CDIN1: variants seen among roughly 807,000 people sequenced by gnomAD.
CDIN1 encodes CDAN1-interacting nuclease 1.
Under a neutral mutation model 45.3 loss-of-function variants are expected in CDIN1, and 33 were observed. The ratio of observed to expected loss-of-function variants is 0.73; its 90% CI spans 0.55 to 0.97. The LOEUF is 0.97. CDIN1 is among the 50% of genes least tolerant of loss of function. CDIN1 has a pLI of 0.00. For missense variants in CDIN1, 303 were observed against 339.4 expected (o/e 0.89, Z 0.84); for synonymous variants, 118 against 124.4 (o/e 0.95, Z 0.34).
intron 3 of CDIN1, among the ~76,000 whole-genome samples, chr15:36,652,604 T>G (rs2040616431): frequency 6.6e-6 from 1 of 152,152 alleles, no homozygotes; most frequent in Admixed American, 6.5e-5. Context: ...ATTTATTTAT[T>G]TTTTCCTCTT....
chr15:36,697,428 T>C, intron 8 of CDIN1, 38 bp downstream of exon 8: 1 of 1,478,436 alleles, frequency 6.8e-7, no homozygotes. Flanking sequence ...TTGTGTTGTC[T>C]CCCTGAGTGC....
In CDIN1 at chr15:36,620,359, T is replaced by A. The variant is rs1408799992; in HGVS notation, c.102-23919T>A. ...AAGCGAAACTCTGTCTCAAAAAAAA[T>A]AAAAATAAAATAAAAATAAAAATAA... On this transcript the variant is annotated intron_variant, in intron 1 of 10. Transcript: ENST00000566621. 2.0e-5 allele frequency among the ~76,000 whole-genome samples: 3 copies of A among 151,918 alleles called. No individual in the cohort carries two copies. The Middle Eastern group carries it at 0.01, about 517-fold the overall frequency.
intron 10 of CDIN1, among the ~76,000 whole-genome samples, chr15:36,750,219 A>C (rs2053423401): frequency 6.6e-6 from 1 of 152,096 alleles, no homozygotes; most frequent in African/African-American, 2.4e-5. Context: ...TTATGGCAAA[A>C]AAAACTGTTG....
chr15:36,799,814 G>T (rs2054951949), intron 10 of CDIN1: 1 of 152,120 alleles, frequency 6.6e-6, no homozygotes, highest in African/African-American at 2.4e-5. Flanking sequence ...CCCAATCCAG[G>T]AGTAAACATT....
chr15:36,673,967 A>T (rs1368671241), intron 5 of CDIN1, among the ~76,000 whole-genome samples: 1 of 152,110 alleles, frequency 6.6e-6, no homozygotes, highest in Non-Finnish European at 1.5e-5. Flanking sequence ...TTTCTCTAGT[A>T]CATACACACA....
chr15:36,763,608 G>C (rs8025988), intron 10 of CDIN1, among the ~76,000 whole-genome samples: 102,929 of 151,950 alleles, frequency 0.68, 35,102 homozygotes, highest in East Asian at 0.93. Context: ...ACTGTACCCC[G>C]CCATGTTGTG....
intron 8 of CDIN1, 67 bp from the exon 9 acceptor site, chr15:36,709,156 A>G: frequency 7.4e-7 from 1 of 1,347,446 alleles, no homozygotes. Flanking sequence ...AAGAAATAAA[A>G]ACAAATATAT....
chr15:36,700,297 T>C (rs1234715988), intron 8 of CDIN1, among the ~76,000 whole-genome samples: 2 of 152,190 alleles, frequency 1.3e-5, no homozygotes, highest in Non-Finnish European at 2.9e-5. Context: ...CCGTATTGCA[T>C]GTGTGATCCA....
chr15:36,597,077 A>G (rs549410878), intron 1 of CDIN1, among the ~76,000 whole-genome samples: 90 of 152,294 alleles, frequency 5.9e-4, no homozygotes, highest in African/African-American at 2.1e-3. Flanking sequence ...TTTGGACCTG[A>G]TATATGCCCC....
At chr15:36,734,311 C>T in intron 10 of CDIN1, 3 of 368,086 alleles carry the variant, frequency 8.2e-6, no homozygotes, top group South Asian at 6.6e-5. Flanking sequence ...ACACTTTGTT[C>T]ATCCTTAGAA....
chr15:36,771,425 G>T (rs575007994), intron 10 of CDIN1, among the ~76,000 whole-genome samples: 1 of 152,272 alleles, frequency 6.6e-6, no homozygotes, highest in African/African-American at 2.4e-5. Context: ...ACTGATAGCT[G>T]GTCCTACCCT....
At position 36,590,408 on chromosome 15, in the gene CDIN1, C is replaced by G. The variant is rs1052682910; in HGVS notation, c.101+10447C>G. ...TGAAAATAAATATTTTGAAACAAAG[C>G]AATTCGAGTAGAGGAAAAAAGTAAG... On this transcript the variant is annotated intron_variant, in intron 1 of 10. Coordinates refer to ENST00000566621, the MANE Select transcript of CDIN1 (RefSeq NM_001321759.2). Among the ~76,000 whole-genome samples, 5 of 152,206 alleles carry G rather than the reference C, an allele frequency of 3.3e-5. No individual in the cohort carries two copies. In the East Asian group the frequency reaches 7.7e-4, roughly 23 times the overall value.
chr15:36,581,595 G>A (rs1398380576), intron 1 of CDIN1, among the ~76,000 whole-genome samples: 3 of 152,214 alleles, frequency 2.0e-5, no homozygotes, highest in Admixed American at 1.3e-4. Context: ...GAGCTATTTA[G>A]GGCTGGGTGT....
intron 1 of CDIN1, among the ~76,000 whole-genome samples, chr15:36,621,655 GA>G (rs1470326919): frequency 6.6e-6 from 1 of 152,132 alleles, no homozygotes; most frequent in African/African-American, 2.4e-5. Context: ...GCAGTTGGTG[GA>G]AATGATAAAC....
intron 1 of CDIN1, chr15:36,617,772 G>C (rs909961781): frequency 1.2e-6 from 1 of 814,582 alleles, no homozygotes; most frequent in Non-Finnish European, 2.2e-6. Flanking sequence ...AAAGTGATAA[G>C]TTGTGAGTTT....
In CDIN1 at chr15:36,697,377, C is replaced by T. The variant is rs117638434; in HGVS notation, c.531C>T (p.Asn177=). 19,489 of 1,611,544 alleles carry T rather than the reference C, an allele frequency of 0.012. 178 individuals are homozygous for T. Among genetic ancestry groups the T allele is most frequent in the Non-Finnish European group, 0.014 (16,360 of 1,178,720 alleles). The stretch of plus-strand genomic sequence containing the variant: ...TGAGAGACTTGCTTCTAGAGAAAAA[C>T]CTGTCCTTCCTAGGTAAGTATTATT... ...VLLRDLLLEK[N]LSFLDEDQLR... Residue 177 remains asparagine (N), a synonymous_variant, in exon 8 of 11, where the codon AAC becomes AAT. Transcript: ENST00000566621.
intron 5 of CDIN1, among the ~76,000 whole-genome samples, chr15:36,681,642 A>T (rs1200228692): frequency 2.6e-5 from 4 of 152,180 alleles, no homozygotes; most frequent in Non-Finnish European, 5.9e-5. Context: ...AAAATATTAA[A>T]AGTAATCAGA....
At chr15:36,699,754 T>A (rs1341366174) in intron 8 of CDIN1, among the ~76,000 whole-genome samples, 1 of 152,198 alleles carries the variant, frequency 6.6e-6, no homozygotes, top group Non-Finnish European at 1.5e-5. Flanking sequence ...TTCTTAAATG[T>A]CCTTGGTTCA....
At chr15:36,687,210 T>C (rs1274661945) in intron 5 of CDIN1, among the ~76,000 whole-genome samples, 6 of 152,102 alleles carry the variant, frequency 3.9e-5, no homozygotes, top group Non-Finnish European at 7.4e-5. Flanking sequence ...TAAGCCTGAA[T>C]GTATCAGTTG....
Sources: gnomAD v4.1 joint callset for allele counts (sites outside exome capture counted in the v4.1 genomes callset) on GRCh38, gnomAD v4.1.1 for gene constraint, MANE v1.5 for transcripts, NCBI Gene and HGNC (gene_info 2026-07-23, HGNC 2026-07-21) for gene names.